Variants in SUMF2 observed in about 807,000 individuals in gnomAD.
SUMF2 encodes inactive C-alpha-formylglycine-generating enzyme 2.
A neutral mutation model predicts 44.8 loss-of-function variants in SUMF2; 45 were observed. The ratio of observed to expected loss-of-function variants is 1.00; its 90% CI spans 0.79 to 1.29. The LOEUF (loss-of-function observed/expected upper bound fraction) is 1.29. Among genes scored for constraint, SUMF2 ranks in the 50% most tolerant of loss-of-function variants. The pLI is 0.00. For missense variants in SUMF2, 418 were observed against 389.9 expected (o/e 1.07, Z -0.61); for synonymous variants, 148 against 150.4 (o/e 0.98, Z 0.12).
chr7:56,087,544 C>T, the SUMF2 span: 1 of 1,563,776 alleles, frequency 6.4e-7, no homozygotes, highest in Middle Eastern at 1.7e-4. Flanking sequence ...CTTGGGCTGT[C>T]AGGGCAGAAT....
chr7:56,086,455 G>A, the SUMF2 span, among the ~76,000 whole-genome samples: 61 of 152,182 alleles, frequency 4.0e-4, no homozygotes, highest in African/African-American at 1.4e-3. Flanking sequence ...GGAGAATCAC[G>A]TGAGGCCAAG....
In SUMF2 at chr7:56,064,346, T is replaced by C. The variant is rs765026931; in HGVS notation, c.35T>C (p.Leu12Pro). 9.4e-6 allele frequency: 15 copies of C among 1,603,154 alleles called. No homozygotes were observed. In the African/African-American group the frequency reaches 2.0e-4, roughly 21 times the overall value. ...ARHGLPLLPL[L>P]SLLVGAWLKL... ...CATGGGTTACCGCTGCTGCCCCTGCTGTCGCTCCTGGTCGGCGCGTGGCTC... is the reference window on the plus strand; with the variant it reads ...CATGGGTTACCGCTGCTGCCCCTGCCGTCGCTCCTGGTCGGCGCGTGGCTC... The change falls in exon 1 of 9, where the codon CTG becomes CCG. Residue 12 changes from leucine (L) to proline (P), a missense_variant. Transcript: ENST00000434526.
chr7:56,066,494 T>C (rs1794809198), intron 1 of SUMF2, among the ~76,000 whole-genome samples: 1 of 152,200 alleles, frequency 6.6e-6, no homozygotes, highest in South Asian at 2.1e-4. Flanking sequence ...CCCTCCAGGC[T>C]GGAGTGCAGT....
Position 56,068,544 on chromosome 7 carries a change from TCTC to T in SUMF2, c.132_134del (p.Pro45del). On this transcript the variant is annotated inframe_deletion, in exon 2 of 9. Coordinates refer to ENST00000434526, the MANE Select transcript of SUMF2 (RefSeq NM_015411.4). ...TGGGAGATTCCTGATGGGAACAAAT[TCTC>T]CAGACAGCAGAGATGGTGACGGGCC... The T allele has an allele frequency of 6.2e-7, 1 of 1,613,938 alleles. No individual in the cohort carries two copies. The highest frequency in any genetic ancestry group is 8.5e-7 in the Non-Finnish European group (1 of 1,179,970).
downstream of SUMF2, chr7:56,081,234 C>G (rs1219300800): frequency 6.2e-7 from 1 of 1,613,478 alleles, no homozygotes; most frequent in South Asian, 1.1e-5. This position sits in a 1 kb window ranked among gnomAD's most constrained non-coding sequence, Gnocchi z 4.6. Flanking sequence ...TCTCCCGGGT[C>G]ACAGGCTTCA....
Position 56,076,859 on chromosome 7 carries a change from G to A in SUMF2, c.561G>A (p.Trp187Ter). The change falls in exon 6 of 9, where the codon TGG (tryptophan) becomes TGA (stop). Residue 187 changes from tryptophan to a stop codon, truncating the protein, a stop_gained. Coordinates refer to ENST00000434526, the MANE Select transcript of SUMF2 (RefSeq NM_015411.4). LOFTEE classifies it high-confidence loss of function. ...LKGQVYPWGNWFQPNRTNLWQ... is the reference protein window; with the variant it reads ...LKGQVYPWGN ...GTCAAGTTTACCCATGGGGGAACTG[G>A]TTCCAGCCAAACCGCACCAACCTGT... The A allele has an allele frequency of 6.2e-7, 1 of 1,603,284 alleles. No homozygotes were observed. The highest frequency in any genetic ancestry group is 8.5e-7 in the Non-Finnish European group (1 of 1,174,770).
intron 2 of SUMF2, 145 bp downstream of exon 2, chr7:56,068,783 A>T: frequency 1.2e-6 from 1 of 868,916 alleles, no homozygotes; most frequent in Non-Finnish European, 1.7e-6. Context: ...GCTCACTGCA[A>T]CCTCCACCTC....
At chr7:56,086,026 C>T in the SUMF2 span, among the ~76,000 whole-genome samples, 1 of 151,214 alleles carries the variant, frequency 6.6e-6, no homozygotes, top group African/African-American at 2.4e-5. Flanking sequence ...AGTCTTGACC[C>T]TCCAAACTCC....
In SUMF2 at chr7:56,078,660, G is replaced by T. The variant is rs1053219544; in HGVS notation, c.821+152G>T. The T allele has an allele frequency of 1.9e-4, 192 of 997,820 alleles. 2 individuals carry two copies. In the Admixed American group the frequency reaches 6.6e-3, roughly 35 times the overall value. 61.8% of individuals were successfully genotyped at this position (997,820 alleles called of 1,614,324 possible). On this transcript the variant is annotated intron_variant, in intron 8 of 8. Coordinates refer to ENST00000434526, the MANE Select transcript of SUMF2 (RefSeq NM_015411.4). ...TCCCTGAGCCTGTGCCCAGTTGTGG[G>T]TACAAAAAAGAAAGCCAGCAGCACT...
chr7:56,076,720 T>C (rs1002683038), intron 5 of SUMF2, 114 bp from the exon 6 acceptor site: 2 of 1,006,148 alleles, frequency 2.0e-6, no homozygotes, highest in Non-Finnish European at 2.9e-6. Flanking sequence ...CATTCACTCT[T>C]TTTTCTCATC....
At chr7:56,083,417 C>T (rs749522222), downstream of SUMF2, 35 of 1,614,212 alleles carry the variant, frequency 2.2e-5, 1 homozygote, top group Non-Finnish European at 5.9e-6. Context: ...TGCAGATCAC[C>T]TCCAGCAGAG....
downstream of SUMF2, chr7:56,082,295 C>T (rs1406386362): frequency 6.6e-7 from 1 of 1,510,546 alleles, no homozygotes; most frequent in Non-Finnish European, 9.1e-7. Flanking sequence ...GCAGGGCACT[C>T]AGAAGAGGAA....
Position 56,068,477 on chromosome 7 carries a change from TGCAGG to T in SUMF2, c.68-4_68del. On this transcript the variant is annotated splice_acceptor_variant and splice_polypyrimidine_tract_variant and coding_sequence_variant and intron_variant, in exon 2 of 9. Transcript: ENST00000434526. LOFTEE classifies it high-confidence loss of function. ...ATTACTGGTAACTCTCTTTTTTCTC[TGCAGG>T]AAATGGACAGGCTACTAGCATGGTC... 6.3e-7 allele frequency: 1 copy of T among 1,598,138 alleles called. No individual in the cohort carries two copies. Among genetic ancestry groups the T allele is most frequent in the South Asian group, 1.1e-5 (1 of 87,478 alleles).
At chr7:56,083,071 A>G, downstream of SUMF2, 1 of 503,210 alleles carries the variant, frequency 2.0e-6, no homozygotes, top group Non-Finnish European at 3.5e-6. Flanking sequence ...GTGCCACTGC[A>G]CTCCAGCCTG....
At chr7:56,086,878 T>C in the SUMF2 span, 17 of 936,798 alleles carry the variant, frequency 1.8e-5, no homozygotes, top group Non-Finnish European at 2.8e-5. Context: ...GCGCAGGAGC[T>C]GGCTGTGGTC....
At chr7:56,082,726 C>T (rs191955487), downstream of SUMF2, among the ~76,000 whole-genome samples, 43 of 152,334 alleles carry the variant, frequency 2.8e-4, 1 homozygote, top group East Asian at 8.3e-3. Context: ...GGGCCACCAG[C>T]TCATGGCCCA....
downstream of SUMF2, chr7:56,080,881 A>C: frequency 1.3e-6 from 1 of 744,378 alleles, no homozygotes; most frequent in Non-Finnish European, 2.1e-6. Context: ...GGGAACACCC[A>C]CTTCCCTTGT....
intron 3 of SUMF2, chr7:56,073,378 C>T (rs1444725930): frequency 3.2e-5 from 15 of 470,218 alleles, no homozygotes; most frequent in South Asian, 7.8e-5. Flanking sequence ...GTGGGCCGAG[C>T]GTGGTGTCTC....
rs768832247 is a variant in SUMF2 at position 56,064,302 on chromosome 7, G to A, written c.-10G>A. The A allele has an allele frequency of 2.8e-5, 45 of 1,585,172 alleles. No homozygotes were observed. In the South Asian group the frequency reaches 4.1e-4, roughly 15 times the overall value. ...GCCGTGGGTGTACGCGGCGCAGCGC[G>A]GCAGTCCTGATGGCCCGGCATGGGT... is the stretch of plus-strand genomic sequence containing the variant. On this transcript the variant is annotated 5_prime_UTR_variant, in exon 1 of 9. Coordinates refer to ENST00000434526, the MANE Select transcript of SUMF2 (RefSeq NM_015411.4).
Sources: allele counts gnomAD v4.1 joint callset (sites outside exome capture counted in the v4.1 genomes callset), GRCh38; gene constraint gnomAD v4.1.1; non-coding constraint Gnocchi (gnomAD v3.1); transcripts MANE v1.5; gene names NCBI Gene and HGNC (gene_info 2026-07-23, HGNC 2026-07-21).